Variants in ADAMTS16 observed in about 807,000 individuals in gnomAD.
ADAMTS16 encodes the protein ADAM metallopeptidase with thrombospondin type 1 motif 16, also known as A disintegrin and metalloproteinase with thrombospondin motifs 16.
ADAMTS16 carries 94 observed loss-of-function variants against 145.8 expected under a neutral mutation model. The ratio of observed to expected loss-of-function variants is 0.64; its 90% CI spans 0.55 to 0.77. The LOEUF is 0.77. Among genes scored for constraint, ADAMTS16 ranks in the 30% least tolerant of loss-of-function variants. ADAMTS16 has a pLI of 0.00. For missense variants in ADAMTS16, 1,585 were observed against 1,591.5 expected (o/e 1.00, Z 0.07); for synonymous variants, 659 against 604.3 (o/e 1.09, Z -1.33).
chr5:5,297,822 G>T (rs1397867799), intron 18 of ADAMTS16, among the ~76,000 whole-genome samples: 1 of 152,248 alleles, frequency 6.6e-6, no homozygotes. Context: ...CCTGCATTTA[G>T]AGGTGAAAAC....
rs1035923844 is a variant in ADAMTS16 at position 5,291,640 on chromosome 5, C to CA, written c.2790-11627dup. Among the ~76,000 whole-genome samples the CA allele has an allele frequency of 2.0e-4, 30 of 150,950 alleles. No homozygotes were observed. In the East Asian group the frequency reaches 5.2e-3, roughly 26 times the overall value. ...AACCCAGGCATCCTGACCGCAGAGC[C>CA]ACGGCTTCCCCACCCCCCCACCCCC... On this transcript the variant is annotated intron_variant, in intron 18 of 22. Transcript: ENST00000274181.
intron 18 of ADAMTS16, among the ~76,000 whole-genome samples, chr5:5,300,351 T>A: frequency 6.6e-6 from 1 of 151,990 alleles, no homozygotes; most frequent in Non-Finnish European, 1.5e-5. Context: ...TTTTTCATAA[T>A]GAGGATGTGT....
rs376360418 is a variant in ADAMTS16 at position 5,317,664 on chromosome 5, C to T, written c.3412-470C>T. Among the ~76,000 whole-genome samples the T allele has an allele frequency of 2.6e-4, 40 of 152,168 alleles. No individual in the cohort carries two copies. The highest frequency in any genetic ancestry group is 9.7e-4 in the African/African-American group (40 of 41,428). On this transcript the variant is annotated intron_variant, in intron 21 of 22. Transcript: ENST00000274181. This position sits in a 1 kb window ranked among gnomAD's most constrained non-coding sequence, Gnocchi z 4.5. ...CCACCCGCCTCAGCCTCCCAAAGTG[C>T]TGGGATTACAGGCATGAGCCACCGT... is the stretch of plus-strand genomic sequence containing the variant.
intron 18 of ADAMTS16, 71 bp from the exon 19 acceptor site, chr5:5,303,197 A>G (rs1327305136): frequency 1.2e-5 from 17 of 1,440,000 alleles, no homozygotes; most frequent in Non-Finnish European, 1.5e-5. Flanking sequence ...CTGCCTCCAC[A>G]TCAGATGTGG....
chr5:5,270,170 G>A (rs191916513), intron 18 of ADAMTS16, among the ~76,000 whole-genome samples: 52 of 152,190 alleles, frequency 3.4e-4, no homozygotes, highest in Middle Eastern at 3.4e-3. Flanking sequence ...CCCGTCCATC[G>A]CCCACAAATA....
intron 3 of ADAMTS16, among the ~76,000 whole-genome samples, chr5:5,164,048 A>G (rs1734802768): frequency 6.6e-6 from 1 of 152,234 alleles, no homozygotes; most frequent in Non-Finnish European, 1.5e-5. Context: ...TATTTGGGGA[A>G]GGAAGATCTT....
At chr5:5,181,958 T>G (rs1579293205) in intron 3 of ADAMTS16, 86 bp from the exon 4 acceptor site, 2 of 1,425,328 alleles carry the variant, frequency 1.4e-6, no homozygotes, top group East Asian at 2.3e-5. Flanking sequence ...AAGAGAATAA[T>G]AACAAATGCA....
At position 5,235,048 on chromosome 5, in the gene ADAMTS16, A is replaced by C; in HGVS notation, c.1885A>C (p.Thr629Pro). The change falls in exon 13 of 23, where the codon ACT (threonine) becomes CCT (proline). Residue 629 changes from threonine (T) to proline (P), a missense_variant. Transcript: ENST00000274181. ...TGGAGGGAAGTTCTGTGAGGGCTCC[A>C]CTCGCACTCTGAAGCTCTGCAACAG... ...SHGGKFCEGS[T>P]RTLKLCNSQK... 2 of 1,595,970 alleles carry C rather than the reference A, an allele frequency of 1.3e-6. No homozygotes were observed. Among genetic ancestry groups the C allele is most frequent in the Non-Finnish European group, 1.7e-6 (2 of 1,165,546 alleles).
chr5:5,196,559 T>G (rs774614897), intron 8 of ADAMTS16, among the ~76,000 whole-genome samples: 1 of 152,194 alleles, frequency 6.6e-6, no homozygotes, highest in Non-Finnish European at 1.5e-5. Context: ...CTTACCAATT[T>G]TATTTGTTGT....
rs1734085333 is a variant in ADAMTS16, at chr5:5,317,031, G to A, written c.3412-1103G>A. 6.6e-6 allele frequency among the ~76,000 whole-genome samples: 1 copy of A among 152,184 alleles called. No individual in the cohort carries two copies. Among genetic ancestry groups the A allele is most frequent in the African/African-American group, 2.4e-5 (1 of 41,446 alleles). ...GGCCAGCCACTCACAGTTGTAGACA[G>A]AGAGACCACCTCAAATGGTCTGGGT... On this transcript the variant is annotated intron_variant, in intron 21 of 22. Transcript: ENST00000274181. This position sits in a 1 kb window ranked among gnomAD's most constrained non-coding sequence, Gnocchi z 4.5.
intron 18 of ADAMTS16, among the ~76,000 whole-genome samples, chr5:5,274,369 C>T (rs1283944398): frequency 3.3e-5 from 5 of 152,206 alleles, no homozygotes; most frequent in African/African-American, 1.2e-4. Flanking sequence ...TTCATCCTCC[C>T]TCCCGACCAA....
Position 5,200,126 on chromosome 5 carries a change from T to G in ADAMTS16, c.1314-6T>G. 1.9e-6 allele frequency: 3 copies of G among 1,600,972 alleles called. No homozygotes were observed. In the East Asian group the frequency reaches 6.7e-5, roughly 36 times the overall value. On this transcript the variant is annotated splice_polypyrimidine_tract_variant and splice_region_variant and intron_variant, in intron 8 of 22. Coordinates refer to ENST00000274181, the MANE Select transcript of ADAMTS16 (RefSeq NM_139056.4). ...AGAACCATCTCTCTCTCTCTCTCTC[T>G]CATAGCTTTGGCATGATTCATGATG... is the stretch of plus-strand genomic sequence containing the variant.
intron 3 of ADAMTS16, among the ~76,000 whole-genome samples, chr5:5,159,325 G>A (rs1734684055): frequency 6.6e-6 from 1 of 152,200 alleles, no homozygotes; most frequent in Non-Finnish European, 1.5e-5. Context: ...TTGATCAAGT[G>A]TGATTTATCT....
intron 18 of ADAMTS16, among the ~76,000 whole-genome samples, chr5:5,288,938 T>G (rs1183981051): frequency 6.6e-6 from 1 of 152,202 alleles, no homozygotes; most frequent in Non-Finnish European, 1.5e-5. Flanking sequence ...CTCAGCTTCC[T>G]CGTTCATGAA....
intron 18 of ADAMTS16, among the ~76,000 whole-genome samples, chr5:5,273,356 T>C (rs777403097): frequency 1.1e-4 from 17 of 152,190 alleles, no homozygotes; most frequent in Non-Finnish European, 2.1e-4. Context: ...ACTTCAGCTC[T>C]ACCAAAAATA....
At chr5:5,160,408 C>G (rs1169943296) in intron 3 of ADAMTS16, among the ~76,000 whole-genome samples, 1 of 152,106 alleles carries the variant, frequency 6.6e-6, no homozygotes, top group African/African-American at 2.4e-5. Context: ...CTCATGCAGT[C>G]TAGTTAAATC....
intron 11 of ADAMTS16, among the ~76,000 whole-genome samples, chr5:5,231,305 G>T (rs1373301424): frequency 2.0e-5 from 3 of 152,194 alleles, no homozygotes; most frequent in Non-Finnish European, 4.4e-5. Context: ...TACTTAAATA[G>T]CATTAAATGG....
intron 18 of ADAMTS16, among the ~76,000 whole-genome samples, chr5:5,291,643 G>A (rs13162431): frequency 1.4e-5 from 2 of 145,728 alleles, no homozygotes; most frequent in African/African-American, 5.2e-5. Flanking sequence ...GCAGAGCCAC[G>A]GCTTCCCCAC....
At chr5:5,186,394 T>A in intron 5 of ADAMTS16, 143 bp downstream of exon 5, 1 of 796,446 alleles carries the variant, frequency 1.3e-6, no homozygotes, top group South Asian at 1.8e-5. Context: ...ATTTTATTGG[T>A]GATAACTCAT....
Sources: allele counts gnomAD v4.1 joint callset (sites outside exome capture counted in the v4.1 genomes callset), GRCh38; gene constraint gnomAD v4.1.1; non-coding constraint Gnocchi (gnomAD v3.1); transcripts MANE v1.5; gene names NCBI Gene and HGNC (gene_info 2026-07-23, HGNC 2026-07-21).